HELLS: variants seen among roughly 807,000 people sequenced by gnomAD.
HELLS encodes the protein helicase, lymphoid specific, also known as lymphoid-specific helicase.
Under a neutral mutation model 120.0 loss-of-function variants are expected in HELLS, and 32 were observed. That is an observed-to-expected ratio of 0.27 (90% CI 0.20 to 0.36). HELLS has a LOEUF of 0.36. Among genes scored for constraint, HELLS ranks in the 10% least tolerant of loss-of-function variants. The probability of loss-of-function intolerance (pLI) is 1.00; values close to 1 mark genes in which losing one functional copy is unlikely to be tolerated. For synonymous variants in HELLS, 341 were observed against 323.4 expected, an observed-to-expected ratio of 1.05 and a Z score of -0.58; for missense variants, 650 against 993.4, an observed-to-expected ratio of 0.65 and a Z score of 4.65.
At chr10:94,551,603 T>C (rs1020309582) in intron 2 of HELLS, among the ~76,000 whole-genome samples, 7 of 151,930 alleles carry the variant, frequency 4.6e-5, no homozygotes, top group Non-Finnish European at 1.0e-4. Context: ...AAGAAAGCTA[T>C]AGTGATGATG....
At chr10:94,577,254 A>G (rs563595948) in intron 10 of HELLS, among the ~76,000 whole-genome samples, 2 of 152,240 alleles carry the variant, frequency 1.3e-5, no homozygotes, top group Admixed American at 6.5e-5. Context: ...TCCAGTTAGC[A>G]TAACAGAATT....
Position 94,574,201 on chromosome 10 carries a change from A to G in HELLS, c.705+14A>G, listed in dbSNP as rs764787480. On this transcript the variant is annotated intron_variant, in intron 8 of 21. Coordinates refer to ENST00000348459, the MANE Select transcript of HELLS (RefSeq NM_018063.5). ...GAATGGCTTAGGGTAATGAATTGGA[A>G]TTTTTAATACAAGATACTGGTTTTA... 5.9e-5 allele frequency: 89 copies of G among 1,514,012 alleles called. No homozygotes were observed. The highest frequency in any genetic ancestry group is 7.9e-5 in the Non-Finnish European group (86 of 1,091,928). The allele number at this position is 1,514,012 out of a possible 1,614,324, so 93.8% of individuals were successfully genotyped here.
At chr10:94,573,638 A>G (rs1844292892) in intron 7 of HELLS, among the ~76,000 whole-genome samples, 1 of 151,446 alleles carries the variant, frequency 6.6e-6, no homozygotes, top group East Asian at 1.9e-4. Context: ...AATTTTTTGT[A>G]TTTTTAGTAG....
chr10:94,547,052 G>A (rs1842781927), intron 2 of HELLS, among the ~76,000 whole-genome samples: 1 of 152,024 alleles, frequency 6.6e-6, no homozygotes, highest in Non-Finnish European at 1.5e-5. Context: ...AGATTCTTTA[G>A]CTAAAAATGT....
chr10:94,590,119 A>G (rs926640847), intron 13 of HELLS, among the ~76,000 whole-genome samples: 6 of 152,218 alleles, frequency 3.9e-5, no homozygotes, highest in Non-Finnish European at 8.8e-5. Context: ...CTGAAGAAAT[A>G]TCCTCTGTAC....
chr10:94,577,334 G>A (rs1844543804), intron 10 of HELLS: 1 of 241,422 alleles, frequency 4.1e-6, no homozygotes, highest in Non-Finnish European at 8.2e-6. Context: ...CTTCCTCACT[G>A]CTCTACCTCA....
chr10:94,557,773 A>T (rs1190891887), intron 3 of HELLS, among the ~76,000 whole-genome samples: 1 of 152,226 alleles, frequency 6.6e-6, no homozygotes, highest in Non-Finnish European at 1.5e-5. Flanking sequence ...TCCTCAACAC[A>T]AAGAGACTGT....
intron 6 of HELLS, chr10:94,569,339 C>CGTGG (rs1564591196): frequency 6.6e-6 from 1 of 151,858 alleles, no homozygotes; most frequent in East Asian, 1.9e-4. Context: ...CCCACCACCA[C>CGTGG]GCCCAGCTAA....
downstream of HELLS, among the ~76,000 whole-genome samples, chr10:94,603,028 C>T (rs563944130): frequency 6.6e-5 from 10 of 152,178 alleles, no homozygotes; most frequent in Non-Finnish European, 1.2e-4. Flanking sequence ...TAGACGCAGT[C>T]AGAAAAGAAT....
At chr10:94,575,767 G>T (rs1844428243) in intron 9 of HELLS, among the ~76,000 whole-genome samples, 14 of 95,464 alleles carry the variant, frequency 1.5e-4, no homozygotes, top group Middle Eastern at 5.0e-3. Flanking sequence ...GGGGGGGGTT[G>T]TGTTTGTGTG....
At position 94,562,491 on chromosome 10, in the gene HELLS, G is replaced by A. The variant is rs557239854; in HGVS notation, c.334-200G>A. Reference sequence around the variant, plus strand: ...AAAAATGGACAGAAGTAGAGCCCTTGGGAAAAAGCAGAGATTATGAACAAG... The same window carrying A: ...AAAAATGGACAGAAGTAGAGCCCTTAGGAAAAAGCAGAGATTATGAACAAG... On this transcript the variant is annotated intron_variant, in intron 4 of 21. Coordinates refer to ENST00000348459, the MANE Select transcript of HELLS (RefSeq NM_018063.5). Among the ~76,000 whole-genome samples, 5 of 152,234 alleles carry A rather than the reference G, an allele frequency of 3.3e-5. No individual in the cohort carries two copies. The South Asian group carries it at 1.0e-3, about 32-fold the overall frequency.
At chr10:94,592,586 C>T in intron 17 of HELLS, 72 bp downstream of exon 17, 1 of 962,308 alleles carries the variant, frequency 1.0e-6, no homozygotes, top group Non-Finnish European at 1.4e-6. Flanking sequence ...AAGTAATATT[C>T]CAAATAGACC....
intron 9 of HELLS, chr10:94,609,776 A>C (rs1301899738): frequency 6.6e-6 from 1 of 152,202 alleles, no homozygotes. Context: ...ATGGCGTGGC[A>C]AGAAGCTTTG....
chr10:94,608,904 C>A (rs183234238), intron 9 of HELLS, among the ~76,000 whole-genome samples: 213 of 152,056 alleles, frequency 1.4e-3, no homozygotes, highest in Non-Finnish European at 2.5e-3. Flanking sequence ...CCTGTCTTGG[C>A]CTCCCAATAG....
chr10:94,583,167 A>T, intron 12 of HELLS, 108 bp downstream of exon 12: 1 of 502,304 alleles, frequency 2.0e-6, no homozygotes, highest in Non-Finnish European at 3.5e-6. Context: ...AAAAATGAAG[A>T]TCCTCCTACA....
At chr10:94,577,889 G>A (rs980178972) in intron 10 of HELLS, among the ~76,000 whole-genome samples, 2 of 151,852 alleles carry the variant, frequency 1.3e-5, no homozygotes, top group Non-Finnish European at 2.9e-5. Context: ...GTGAAACCCC[G>A]TCTCTACTAA....
chr10:94,578,411 A>G (rs1406497322), intron 10 of HELLS, among the ~76,000 whole-genome samples: 1 of 152,114 alleles, frequency 6.6e-6, no homozygotes, highest in Non-Finnish European at 1.5e-5. Context: ...TAATGAAATA[A>G]TAGGGCTGGC....
At position 94,554,168 on chromosome 10, in the gene HELLS, C is replaced by T. The variant is rs770896821; in HGVS notation, c.196C>T (p.Arg66Cys). Residue 66 changes from arginine to cysteine, a missense_variant, in exon 3 of 22, where the codon CGT (arginine) becomes TGT (cysteine). Transcript: ENST00000348459. ...WDRESTEIRYRRLQHLLEKSN... is the reference protein window; with the variant it reads ...WDRESTEIRYCRLQHLLEKSN... ...TAGAGAGTCGACAGAAATTCGGTAC[C>T]GTAGACTTCAACATTTGCTTGAAAA... is the stretch of plus-strand genomic sequence containing the variant. 15 of 1,571,340 alleles carry T rather than the reference C, an allele frequency of 9.5e-6. No homozygotes were observed. The highest frequency in any genetic ancestry group is 1.4e-5 in the African/African-American group (1 of 72,276).
At chr10:94,572,731 T>G (rs766616527) in intron 7 of HELLS, among the ~76,000 whole-genome samples, 22 of 152,194 alleles carry the variant, frequency 1.4e-4, no homozygotes, top group Non-Finnish European at 4.4e-5. Flanking sequence ...AAATGTGTGT[T>G]CATAAGAAAG....
Sources: gnomAD v4.1 joint callset for allele counts (sites outside exome capture counted in the v4.1 genomes callset) on GRCh38, gnomAD v4.1.1 for gene constraint, MANE v1.5 for transcripts, NCBI Gene and HGNC (gene_info 2026-07-23, HGNC 2026-07-21) for gene names.